The following CAST variants were observed in gnomAD, a reference collection of about 807,000 sequenced individuals.
CAST encodes MIR583 host.
In CAST, 76 loss-of-function variants were observed where a neutral mutation model predicts 119.6. The observed-to-expected ratio is 0.64, with a 90% CI of 0.53 to 0.77. The LOEUF (loss-of-function observed/expected upper bound fraction) is 0.77. CAST is among the 30% of genes least tolerant of loss of function. The pLI is 0.00. For synonymous variants in CAST, 319 were observed against 331.6 expected (o/e 0.96, Z 0.41); for missense variants, 953 against 946.5 (o/e 1.01, Z -0.09).
the CAST span, among the ~76,000 whole-genome samples, chr5:96,250,553 TTA>T: frequency 6.6e-6 from 1 of 152,118 alleles, no homozygotes; most frequent in African/African-American, 2.4e-5. Flanking sequence ...CAACTCCTGC[TTA>T]CTTCTTGTTG....
the CAST span, among the ~76,000 whole-genome samples, chr5:96,467,489 T>A: frequency 6.6e-6 from 1 of 152,128 alleles, no homozygotes; most frequent in African/African-American, 2.4e-5. Context: ...CCTAATCCTC[T>A]TGGAGTTCCT....
chr5:96,415,929 G>A, the CAST span: 7 of 770,180 alleles, frequency 9.1e-6, no homozygotes, highest in Non-Finnish European at 1.4e-5. Flanking sequence ...GAACTAATTT[G>A]TTCCTCCAGT....
the CAST span, among the ~76,000 whole-genome samples, chr5:96,156,293 C>T: frequency 0.042 from 6,355 of 152,196 alleles, 421 homozygotes; most frequent in African/African-American, 0.14. Context: ...AGGGGTAATT[C>T]ACGATGTGGT....
the CAST span, among the ~76,000 whole-genome samples, chr5:96,454,385 C>T: frequency 6.6e-6 from 1 of 152,204 alleles, no homozygotes; most frequent in Non-Finnish European, 1.5e-5. Flanking sequence ...AAATGCTACA[C>T]TGCTACTTTT....
At chr5:96,178,937 G>A in the CAST span, among the ~76,000 whole-genome samples, 8 of 152,134 alleles carry the variant, frequency 5.3e-5, no homozygotes, top group Non-Finnish European at 1.0e-4. Flanking sequence ...TGATCTCAAT[G>A]AAGCCCCATC....
At chr5:96,005,795 A>T in the CAST span, among the ~76,000 whole-genome samples, 2 of 152,154 alleles carry the variant, frequency 1.3e-5, no homozygotes, top group African/African-American at 2.4e-5. Flanking sequence ...AATAAAATAT[A>T]TTTTTAAAAA....
chr5:96,495,598 CCTT>C, the CAST span, among the ~76,000 whole-genome samples: 1 of 148,686 alleles, frequency 6.7e-6, no homozygotes, highest in African/African-American at 2.4e-5. Context: ...AACATGAACT[CCTT>C]CTTTTTTATG....
the CAST span, among the ~76,000 whole-genome samples, chr5:96,170,241 A>C: frequency 6.6e-6 from 1 of 152,080 alleles, no homozygotes; most frequent in African/African-American, 2.4e-5. Flanking sequence ...CTGCCAGGTG[A>C]GTTGAACAGT....
the CAST span, among the ~76,000 whole-genome samples, chr5:96,384,190 C>T: frequency 2.1e-4 from 32 of 152,254 alleles, no homozygotes; most frequent in Admixed American, 1.5e-3. Flanking sequence ...CCCCAGCATT[C>T]CTTTCATGCG....
chr5:96,739,761 A>T (rs1436912938), intron 11 of CAST, among the ~76,000 whole-genome samples: 1 of 152,236 alleles, frequency 6.6e-6, no homozygotes, highest in African/African-American at 2.4e-5. Flanking sequence ...TAGAAACCTT[A>T]GATAATGAAA....
intron 1 of CAST, among the ~76,000 whole-genome samples, chr5:96,559,975 C>T (rs1746322073): frequency 6.6e-6 from 1 of 152,126 alleles, no homozygotes; most frequent in Non-Finnish European, 1.5e-5. Context: ...GCTACAGTAA[C>T]CAAAACAGCA....
chr5:96,499,571 G>A, the CAST span, among the ~76,000 whole-genome samples: 3 of 152,190 alleles, frequency 2.0e-5, no homozygotes, highest in African/African-American at 7.2e-5. Context: ...GAAGACTGAG[G>A]TGGCTGTGGC....
the CAST span, among the ~76,000 whole-genome samples, chr5:96,389,427 C>A: frequency 6.6e-6 from 1 of 152,140 alleles, no homozygotes; most frequent in African/African-American, 2.4e-5. Context: ...AGAGATATAT[C>A]TTCAACTAAT....
At chr5:96,710,492 A>G (rs149196057) in intron 3 of CAST, among the ~76,000 whole-genome samples, 145 of 152,020 alleles carry the variant, frequency 9.5e-4, no homozygotes, top group African/African-American at 3.3e-3. Flanking sequence ...CTAAGTGTCT[A>G]TTGTCCCCCT....
the CAST span, among the ~76,000 whole-genome samples, chr5:96,358,928 C>G: frequency 6.6e-6 from 1 of 152,108 alleles, no homozygotes; most frequent in South Asian, 2.1e-4. Flanking sequence ...CTAGTATTGA[C>G]AGTGGGGTGT....
At chr5:96,479,450 C>CT in the CAST span, among the ~76,000 whole-genome samples, 8,530 of 115,136 alleles carry the variant, frequency 0.074, 739 homozygotes, top group East Asian at 0.4. Context: ...CCAGGCACTC[C>CT]TTATTTTTTT....
chr5:95,997,946 T>A, the CAST span, among the ~76,000 whole-genome samples: 1 of 142,106 alleles, frequency 7.0e-6, no homozygotes, highest in Non-Finnish European at 1.5e-5. Context: ...AAATGTACTA[T>A]GGGCTTTTGA....
the CAST span, among the ~76,000 whole-genome samples, chr5:96,025,471 G>C: frequency 1.3e-5 from 2 of 152,034 alleles, no homozygotes; most frequent in African/African-American, 2.4e-5. Context: ...ATATAAATTT[G>C]GGGGGGACAC....
the CAST span, among the ~76,000 whole-genome samples, chr5:96,156,054 A>G: frequency 2.0e-5 from 3 of 152,242 alleles, no homozygotes; most frequent in African/African-American, 7.2e-5. Context: ...ATCATTTTCA[A>G]GTGTATTTTA....
Sources: gnomAD v4.1 joint callset for allele counts (sites outside exome capture counted in the v4.1 genomes callset) on GRCh38, gnomAD v4.1.1 for gene constraint, MANE v1.5 for transcripts, NCBI Gene and HGNC (gene_info 2026-07-23, HGNC 2026-07-21) for gene names.